The following ATP2B2 variants were observed in gnomAD, a reference collection of about 807,000 sequenced individuals.
ATP2B2 encodes plasma membrane calcium-transporting ATPase 2.
A neutral mutation model predicts 120.0 loss-of-function variants in ATP2B2; 15 were observed. The ratio of observed to expected loss-of-function variants is 0.12; its 90% confidence interval spans 0.08 to 0.19. The LOEUF (loss-of-function observed/expected upper bound fraction) is 0.19. Among genes scored for constraint, ATP2B2 ranks in the 10% least tolerant of loss-of-function variants. ATP2B2 has a pLI of 1.00. For missense variants in ATP2B2, 1,045 were observed against 1,719.8 expected, an observed-to-expected ratio of 0.61 and a Z score of 6.94; for synonymous variants, 694 against 700.3, an observed-to-expected ratio of 0.99 and a Z score of 0.14.
chr3:10,476,729 T>C (rs76415399), intron 1 of ATP2B2, among the ~76,000 whole-genome samples: 3,748 of 152,282 alleles, frequency 0.025, 141 homozygotes, highest in African/African-American at 0.085. Flanking sequence ...TAACCATAAT[T>C]GATCAGCCTC....
At chr3:10,698,740 G>A (rs1348004218) in intron 1 of ATP2B2, among the ~76,000 whole-genome samples, 1 of 152,218 alleles carries the variant, frequency 6.6e-6, no homozygotes. Flanking sequence ...ATGTGCAAAG[G>A]ATAGGTTTGG....
At chr3:10,694,179 G>T (rs985464697) in intron 1 of ATP2B2, among the ~76,000 whole-genome samples, 1 of 152,202 alleles carries the variant, frequency 6.6e-6, no homozygotes. Flanking sequence ...ATCTTTGTAT[G>T]TGTCTGTGTG....
At chr3:10,633,325 C>A (rs1047788227) in intron 1 of ATP2B2, among the ~76,000 whole-genome samples, 3 of 152,216 alleles carry the variant, frequency 2.0e-5, no homozygotes, top group Admixed American at 1.3e-4. Flanking sequence ...ACCAGGGTTG[C>A]CATCCACTGA....
intron 3 of ATP2B2, among the ~76,000 whole-genome samples, chr3:10,531,984 C>T (rs577206402): frequency 1.2e-3 from 182 of 152,044 alleles, no homozygotes; most frequent in African/African-American, 4.3e-3. Flanking sequence ...GGATTCTCCC[C>T]GCCCCACCAC....
chr3:10,683,453 T>C (rs2071431231), intron 1 of ATP2B2, among the ~76,000 whole-genome samples: 2 of 151,882 alleles, frequency 1.3e-5, no homozygotes. Context: ...ATTCTTCATG[T>C]GGAACTGGGG....
In ATP2B2 at chr3:10,635,047, T is replaced by G. The variant is rs994480491; in HGVS notation, c.-459-15086A>C. On this transcript the variant is annotated intron_variant, in intron 1 of 21. Transcript: ENST00000646379. This position sits in a 1 kb window ranked among gnomAD's most constrained non-coding sequence, Gnocchi z 4.3. ...GATAGAAGAAAGAGCCTTCCAACAC[T>G]CGCAGGACCCCGAGATAAATGTCCC... Among the ~76,000 whole-genome samples the G allele has an allele frequency of 1.3e-5, 2 of 151,288 alleles. No homozygotes were observed. The highest frequency in any genetic ancestry group is 4.9e-5 in the African/African-American group (2 of 41,122).
intron 1 of ATP2B2, among the ~76,000 whole-genome samples, chr3:10,681,990 G>A (rs138484256): frequency 1.3e-5 from 2 of 152,320 alleles, no homozygotes; most frequent in Non-Finnish European, 2.9e-5. Context: ...AGAGATACCT[G>A]AGGCAGTCAG....
At chr3:10,415,274 G>A (rs919872463) in intron 2 of ATP2B2, among the ~76,000 whole-genome samples, 1 of 152,176 alleles carries the variant, frequency 6.6e-6, no homozygotes, top group African/African-American at 2.4e-5. Context: ...CCTGGCACCG[G>A]GTAGATGTAC....
At chr3:10,385,154 C>A in intron 8 of ATP2B2, 114 bp downstream of exon 8, 1 of 1,056,930 alleles carries the variant, frequency 9.5e-7, no homozygotes, top group Non-Finnish European at 1.4e-6. Context: ...TCCCAGCGGC[C>A]CATGCACATC....
rs2060180930 is a variant in ATP2B2 at position 10,338,254 on chromosome 3, C to T, written c.3342G>A (p.Glu1114=). 1.2e-6 allele frequency: 2 copies of T among 1,614,030 alleles called. No homozygotes were observed. The highest frequency in any genetic ancestry group is 1.3e-5 in the African/African-American group (1 of 74,946). Residue 1114 remains glutamate (E), a synonymous_variant, in exon 22 of 23, where the codon GAG becomes GAA. Transcript: ENST00000360273. The stretch of plus-strand genomic sequence containing the variant: ...GCTCCCGCTCCGCGTGGTCGATCTC[C>T]TCCACGTCCTCGTTGAGCTCCTCCT... ...IPEEELNEDV[E]EIDHAERELR...
chr3:10,616,456 G>A (rs938904269), intron 2 of ATP2B2, among the ~76,000 whole-genome samples: 1 of 152,130 alleles, frequency 6.6e-6, no homozygotes, highest in East Asian at 1.9e-4. Flanking sequence ...TGAATCTGTC[G>A]TTTAAGCCCT....
intron 1 of ATP2B2, among the ~76,000 whole-genome samples, chr3:10,468,211 G>C (rs1188499773): frequency 6.6e-6 from 1 of 152,238 alleles, no homozygotes; most frequent in Non-Finnish European, 1.5e-5. Flanking sequence ...GATGCTTTCA[G>C]GGTACCCCCA....
chr3:10,448,665 G>C (rs2063923108), intron 2 of ATP2B2, among the ~76,000 whole-genome samples: 1 of 152,148 alleles, frequency 6.6e-6, no homozygotes, highest in East Asian at 1.9e-4. Flanking sequence ...AAGGACATCT[G>C]TCACCCTTCC....
At position 10,533,100 on chromosome 3, in the gene ATP2B2, A is replaced by G. The variant is rs796783145; in HGVS notation, c.-320+939T>C. Among the ~76,000 whole-genome samples the G allele has an allele frequency of 1.2e-4, 18 of 152,228 alleles. No homozygotes were observed. The East Asian group carries it at 2.3e-3, about 20-fold the overall frequency. On this transcript the variant is annotated intron_variant, in intron 3 of 21. Transcript: ENST00000646379. The stretch of plus-strand genomic sequence containing the variant: ...TACATGTTGGGTCCATGGGGCATGC[A>G]CTCCAAGATTTGTATATCACCCTAA...
chr3:10,405,884 A>G (rs1305274665), intron 3 of ATP2B2, among the ~76,000 whole-genome samples: 2 of 152,184 alleles, frequency 1.3e-5, no homozygotes, highest in Non-Finnish European at 2.9e-5. Flanking sequence ...GCACTCTGGC[A>G]CTGGGGGAGC....
At chr3:10,555,419 T>A (rs1244598259) in intron 2 of ATP2B2, among the ~76,000 whole-genome samples, 1 of 152,240 alleles carries the variant, frequency 6.6e-6, no homozygotes, top group East Asian at 1.9e-4. Flanking sequence ...CTCCTATGTA[T>A]CTGTCAAGGT....
intron 1 of ATP2B2, among the ~76,000 whole-genome samples, chr3:10,705,950 G>A (rs2071889688): frequency 6.6e-6 from 1 of 152,176 alleles, no homozygotes; most frequent in African/African-American, 2.4e-5. Flanking sequence ...TACGTAGCTG[G>A]GACCAGGTCT....
rs57911821 is a variant in ATP2B2, at chr3:10,420,361, C to CT, written c.200-9547dup. Among the ~76,000 whole-genome samples the CT allele has an allele frequency of 4.4e-3, 614 of 139,930 alleles. 3 individuals are homozygous for CT. The highest frequency in any genetic ancestry group is 6.6e-3 in the Non-Finnish European group (424 of 64,488). The allele number at this position is 139,930 out of a possible 152,430, so 91.8% of individuals were successfully genotyped here. Reference sequence around the variant, plus strand: ...TTCCCCTCTCTGTGTCTTGGTTTCACTTTTTTTTTTTTTTTTTGAGACGAA... The same window carrying CT: ...TTCCCCTCTCTGTGTCTTGGTTTCACTTTTTTTTTTTTTTTTTTGAGACGAA... On this transcript the variant is annotated intron_variant, in intron 2 of 22. Transcript: ENST00000360273.
chr3:10,551,448 G>C (rs1292343480), intron 2 of ATP2B2, among the ~76,000 whole-genome samples: 1 of 152,184 alleles, frequency 6.6e-6, no homozygotes, highest in South Asian at 2.1e-4. Context: ...AGTGCTACTT[G>C]CAAGATACAA....
Sources: allele counts gnomAD v4.1 joint callset (sites outside exome capture counted in the v4.1 genomes callset), GRCh38; gene constraint gnomAD v4.1.1; non-coding constraint Gnocchi (gnomAD v3.1); transcripts MANE v1.5; gene names NCBI Gene and HGNC (gene_info 2026-07-23, HGNC 2026-07-21).